ME3: variants seen among roughly 807,000 people sequenced by gnomAD.
ME3 encodes the protein malic enzyme 3.
A neutral mutation model predicts 68.9 loss-of-function variants in ME3; 48 were observed. The ratio of observed to expected loss-of-function variants is 0.70; its 90% CI spans 0.55 to 0.89. ME3 has a LOEUF of 0.89. Among genes scored for constraint, ME3 ranks in the 40% least tolerant of loss-of-function variants. ME3 has a pLI of 0.00. For missense variants in ME3, 675 were observed against 797.4 expected, an observed-to-expected ratio of 0.85 and a Z score of 1.85; for synonymous variants, 320 against 318.8, an observed-to-expected ratio of 1.00 and a Z score of -0.04.
At position 86,473,236 on chromosome 11, in the gene ME3, C is replaced by T. The variant is rs140015859; in HGVS notation, c.810-8036G>A. 6.9e-3 allele frequency among the ~76,000 whole-genome samples: 1,050 copies of T among 152,292 alleles called. 8 individuals are homozygous for T. Among genetic ancestry groups the T allele is most frequent in the African/African-American group, 0.024 (979 of 41,556 alleles). ...CCAGAGCCACGCAATGGGCCGTGGT[C>T]GGGAGCATCAAATACTGCCAACATG... On this transcript the variant is annotated intron_variant, in intron 7 of 14. Transcript: ENST00000543262.
chr11:86,671,864 G>A (rs1318698209), exon 2 of ME3: 1 of 1,578,662 alleles, frequency 6.3e-7, no homozygotes. Context: ...CGGGCGCGGT[G>A]GGTGTCCAGC....
At chr11:86,653,106 A>G (rs1048574008) in intron 2 of ME3, among the ~76,000 whole-genome samples, 1 of 152,144 alleles carries the variant, frequency 6.6e-6, no homozygotes, top group Non-Finnish European at 1.5e-5. Flanking sequence ...AAGTCCTTAG[A>G]GACCTACAAA....
chr11:86,567,263 G>A (rs1349606030), intron 2 of ME3, among the ~76,000 whole-genome samples: 1 of 150,574 alleles, frequency 6.6e-6, no homozygotes, highest in Non-Finnish European at 1.5e-5. Flanking sequence ...AGGAAGGAAG[G>A]AAGGAAGGAA....
intron 4 of ME3, among the ~76,000 whole-genome samples, chr11:86,539,481 A>T (rs1027131560): frequency 2.4e-4 from 36 of 152,240 alleles, no homozygotes; most frequent in African/African-American, 8.4e-4. Flanking sequence ...AACAGAGACC[A>T]TCAATGAATA....
intron 8 of ME3, among the ~76,000 whole-genome samples, chr11:86,462,845 G>A (rs1163754822): frequency 1.3e-5 from 2 of 152,148 alleles, no homozygotes; most frequent in Non-Finnish European, 2.9e-5. Flanking sequence ...AGGGGCTGAT[G>A]GGCCTTCCCT....
intron 2 of ME3, among the ~76,000 whole-genome samples, chr11:86,599,210 T>G (rs891232440): frequency 1.3e-5 from 2 of 152,066 alleles, no homozygotes. Context: ...TGAAAAAAAT[T>G]TAGACGAATG....
chr11:86,559,559 C>A lies in ME3; in HGVS notation c.317+131G>T. On this transcript the variant is annotated intron_variant, in intron 3 of 14. Transcript: ENST00000543262. ...ACCATGAATCCTTTAGAAGGTAGGG[C>A]TGAGTCTGGGATCTCTTTGGGCTCT... 2 of 1,125,426 alleles carry A rather than the reference C, an allele frequency of 1.8e-6. 1 individual carries two copies. Among genetic ancestry groups the A allele is most frequent in the Admixed American group, 4.7e-5 (2 of 42,212 alleles). The allele number at this position is 1,125,426 out of a possible 1,614,324, so 69.7% of individuals were successfully genotyped here.
chr11:86,639,163 G>A (rs569409919), intron 2 of ME3, among the ~76,000 whole-genome samples: 42 of 152,278 alleles, frequency 2.8e-4, no homozygotes, highest in African/African-American at 1.0e-3. Context: ...CCCCACAAAA[G>A]TTTGCTGTTA....
intron 7 of ME3, among the ~76,000 whole-genome samples, chr11:86,478,324 C>CAA (rs57349808): frequency 1.7e-4 from 11 of 62,894 alleles, no homozygotes; most frequent in African/African-American, 2.3e-4. Flanking sequence ...GCCTAAGGAC[C>CAA]AAAAAAAAAA....
intron 5 of ME3, among the ~76,000 whole-genome samples, chr11:86,505,850 A>G (rs933085411): frequency 6.6e-6 from 1 of 152,198 alleles, no homozygotes; most frequent in African/African-American, 2.4e-5. Flanking sequence ...AAAGTGAGAC[A>G]GGAATAAAGG....
chr11:86,506,321 A>G (rs557873385), intron 5 of ME3, among the ~76,000 whole-genome samples: 1 of 152,134 alleles, frequency 6.6e-6, no homozygotes, highest in African/African-American at 2.4e-5. Flanking sequence ...GGTTCTCAAA[A>G]TATGTTTATT....
At chr11:86,638,064 C>T (rs543538735) in intron 2 of ME3, among the ~76,000 whole-genome samples, 8 of 151,990 alleles carry the variant, frequency 5.3e-5, no homozygotes, top group African/African-American at 1.9e-4. Flanking sequence ...ACATGGCTCC[C>T]AGCTTCCCAC....
intron 2 of ME3, among the ~76,000 whole-genome samples, chr11:86,622,045 C>A (rs1943380259): frequency 6.6e-6 from 1 of 151,928 alleles, no homozygotes; most frequent in Admixed American, 6.6e-5. Flanking sequence ...CCTCATCAGG[C>A]CTCAGCGAGG....
chr11:86,445,805 C>T (rs1034607760), intron 13 of ME3, among the ~76,000 whole-genome samples: 5 of 152,146 alleles, frequency 3.3e-5, no homozygotes, highest in Admixed American at 2.0e-4. Flanking sequence ...TCCAATACTT[C>T]ATATCAGTGC....
At chr11:86,634,690 GTT>G (rs11355612) in intron 2 of ME3, among the ~76,000 whole-genome samples, 65,372 of 152,044 alleles carry the variant, frequency 0.43, 15,821 homozygotes, top group Non-Finnish European at 0.55. Flanking sequence ...GGTCTTTTGT[GTT>G]TTTTTTTGTT....
chr11:86,442,451 T>C lies in ME3; in HGVS notation c.1653+370A>G, dbSNP rs897153129. 3.9e-5 allele frequency among the ~76,000 whole-genome samples: 6 copies of C among 152,262 alleles called. No homozygotes were observed. In the East Asian group the frequency reaches 1.2e-3, roughly 29 times the overall value. ...TGGGCCAATATTATACCATTGCTGA[T>C]TGGGAGAGCTGGGACCCCAAAGCCT... On this transcript the variant is annotated intron_variant, in intron 14 of 14. Coordinates refer to ENST00000543262, the Ensembl canonical transcript of ME3.
Position 86,530,117 on chromosome 11 carries a change from C to G in ME3, c.468-21250G>C, listed in dbSNP as rs192165366. ...TCTAGAAAACCCCATTGTCTCAGCC[C>G]AAAATCTCCTTAAGCTGACAGGCAA... On this transcript the variant is annotated intron_variant, in intron 4 of 14. Transcript: ENST00000543262. Among the ~76,000 whole-genome samples, 552 of 152,276 alleles carry G rather than the reference C, an allele frequency of 3.6e-3. 3 individuals are homozygous for G. The highest frequency in any genetic ancestry group is 0.013 in the African/African-American group (531 of 41,554).
exon 3 of ME3, chr11:86,559,748 C>T: frequency 6.2e-7 from 1 of 1,614,032 alleles, no homozygotes; most frequent in South Asian, 1.1e-5. Context: ...AGCTGGACGT[C>T]CTGGCTCAGA....
chr11:86,600,580 C>T (rs1594615013), intron 2 of ME3, among the ~76,000 whole-genome samples: 1 of 150,760 alleles, frequency 6.6e-6, no homozygotes, highest in South Asian at 2.1e-4. Flanking sequence ...AGGAATTGAA[C>T]TCAGCTCTGC....
Sources: allele counts gnomAD v4.1 joint callset (sites outside exome capture counted in the v4.1 genomes callset), GRCh38; gene constraint gnomAD v4.1.1; transcripts MANE v1.5; gene names NCBI Gene and HGNC (gene_info 2026-07-23, HGNC 2026-07-21).